DOCK3: variants seen among roughly 807,000 people sequenced by gnomAD.
DOCK3 encodes dedicator of cytokinesis protein 3.
A neutral mutation model predicts 265.6 loss-of-function variants in DOCK3; 60 were observed. The ratio of observed to expected loss-of-function variants is 0.23; its 90% CI spans 0.18 to 0.28. The LOEUF (loss-of-function observed/expected upper bound fraction) is 0.28. Ranked by LOEUF, DOCK3 falls within the 10% of genes least tolerant of loss-of-function variation. The probability of loss-of-function intolerance (pLI) is 1.00; values close to 1 mark genes in which losing one functional copy is unlikely to be tolerated. For missense variants in DOCK3, 1,981 were observed against 2,594.3 expected (o/e 0.76, Z 5.14); for synonymous variants, 881 against 938.0 (o/e 0.94, Z 1.11).
At chr3:51,191,335 G>T (rs1364103254) in intron 12 of DOCK3, among the ~76,000 whole-genome samples, 2 of 152,078 alleles carry the variant, frequency 1.3e-5, no homozygotes, top group Non-Finnish European at 2.9e-5. Context: ...TGAGACTACT[G>T]CCTGAGTTAG....
rs2082151531 is a variant in DOCK3 at position 51,079,361 on chromosome 3, CTG to C, written c.549+3923_549+3924del. Among the ~76,000 whole-genome samples, 3 of 152,142 alleles carry C rather than the reference CTG, an allele frequency of 2.0e-5. No homozygotes were observed. In the South Asian group the frequency reaches 6.2e-4, roughly 32 times the overall value. On this transcript the variant is annotated intron_variant, in intron 7 of 52. Transcript: ENST00000266037. ...TTGTTTGTTTGTTTTGAGACAGAGTCTGTCTTTGTTGCCATGGCTGGAGTGCA... is the reference window on the plus strand; with the variant it reads ...TTGTTTGTTTGTTTTGAGACAGAGTCTCTTTGTTGCCATGGCTGGAGTGCA...
chr3:50,923,389 G>T (rs1481011212), intron 4 of DOCK3, among the ~76,000 whole-genome samples: 2 of 152,150 alleles, frequency 1.3e-5, no homozygotes, highest in African/African-American at 2.4e-5. Flanking sequence ...TGTCATGCAA[G>T]AATTGAATAT....
Position 51,260,284 on chromosome 3 carries a change from C to T in DOCK3, c.2313C>T (p.Leu771=). The stretch of plus-strand genomic sequence containing the variant: ...TTTTCCAGTCCATCCGGTTTGTGCT[C>T]AGTCTGGACAGCCGAAACTCAGAAA... ...QELFQSIRFV[L]SLDSRNSETL... Residue 771 remains leucine, a synonymous_variant, in exon 23 of 53, where the codon CTC becomes CTT. Coordinates refer to ENST00000266037, the MANE Select transcript of DOCK3 (RefSeq NM_004947.5). 1 of 1,613,910 alleles carries T rather than the reference C, an allele frequency of 6.2e-7. No homozygotes were observed. Among genetic ancestry groups the T allele is most frequent in the Admixed American group, 1.7e-5 (1 of 60,004 alleles).
At chr3:51,307,909 A>G (rs1189456812) in intron 27 of DOCK3, among the ~76,000 whole-genome samples, 1 of 142,332 alleles carries the variant, frequency 7.0e-6, no homozygotes, top group Non-Finnish European at 1.5e-5. Flanking sequence ...TTTCTCTCCA[A>G]CAAATGCCTT....
chr3:50,742,010 T>G (rs1327316796), intron 1 of DOCK3, among the ~76,000 whole-genome samples: 2 of 152,208 alleles, frequency 1.3e-5, no homozygotes, highest in Admixed American at 1.3e-4. Context: ...TTGATTTGCA[T>G]TTCTCTGATG....
chr3:50,736,361 A>G (rs535023781), intron 1 of DOCK3, among the ~76,000 whole-genome samples: 6 of 152,176 alleles, frequency 3.9e-5, no homozygotes, highest in Non-Finnish European at 5.9e-5. Context: ...CAATAAACAT[A>G]TGTGTGCATG....
At chr3:50,888,547 C>T (rs1375075088) in intron 3 of DOCK3, among the ~76,000 whole-genome samples, 9 of 152,180 alleles carry the variant, frequency 5.9e-5, no homozygotes, top group South Asian at 2.1e-4. Flanking sequence ...GAGCCCGCAT[C>T]GCCAAGTCAA....
chr3:50,731,084 A>G (rs1442854787), intron 1 of DOCK3, among the ~76,000 whole-genome samples: 1 of 151,310 alleles, frequency 6.6e-6, no homozygotes, highest in Non-Finnish European at 1.5e-5. Context: ...GTGAGCCGAG[A>G]TCCCACCACT....
At chr3:51,351,651 C>CT (rs150338641) in intron 40 of DOCK3, among the ~76,000 whole-genome samples, 41 of 95,706 alleles carry the variant, frequency 4.3e-4, no homozygotes, top group Admixed American at 1.1e-3. Context: ...AGTAGAGAGA[C>CT]TTTTTTTTTT....
At chr3:50,744,548 C>T (rs754862920) in intron 1 of DOCK3, among the ~76,000 whole-genome samples, 1 of 152,002 alleles carries the variant, frequency 6.6e-6, no homozygotes, top group African/African-American at 2.4e-5. Flanking sequence ...TATCCTCCAC[C>T]TCAGTCTCCT....
At chr3:50,898,996 C>T (rs901552459) in intron 4 of DOCK3, among the ~76,000 whole-genome samples, 1 of 152,144 alleles carries the variant, frequency 6.6e-6, no homozygotes, top group Non-Finnish European at 1.5e-5. Flanking sequence ...GTTAGGTCCT[C>T]TTGGTCCAGA....
At chr3:51,022,447 A>C (rs1052037671) in intron 5 of DOCK3, among the ~76,000 whole-genome samples, 1 of 152,186 alleles carries the variant, frequency 6.6e-6, no homozygotes, top group Non-Finnish European at 1.5e-5. Context: ...TAAAAGAACT[A>C]TGTTTTTAAA....
At chr3:50,857,971 A>G (rs1051405187) in intron 3 of DOCK3, among the ~76,000 whole-genome samples, 1 of 152,228 alleles carries the variant, frequency 6.6e-6, no homozygotes, top group Non-Finnish European at 1.5e-5. Flanking sequence ...ATAAAGACAC[A>G]TGCACACGTA....
chr3:51,036,515 C>G (rs749817270), intron 5 of DOCK3, among the ~76,000 whole-genome samples: 8 of 152,130 alleles, frequency 5.3e-5, no homozygotes, highest in Non-Finnish European at 1.2e-4. Context: ...ATACCTGTTA[C>G]TCTCTCATGG....
chr3:51,320,850 CA>C (rs2083674104), intron 32 of DOCK3, among the ~76,000 whole-genome samples: 3 of 151,930 alleles, frequency 2.0e-5, no homozygotes, highest in Admixed American at 6.6e-5. Flanking sequence ...ATAAAACCCC[CA>C]TCTCCCTGGG....
At chr3:50,959,562 A>G (rs36085154) in intron 5 of DOCK3, among the ~76,000 whole-genome samples, 13,599 of 148,000 alleles carry the variant, frequency 0.092, 701 homozygotes, top group Non-Finnish European at 0.12. Flanking sequence ...GTGTGTGTAT[A>G]TATATATAAA....
intron 1 of DOCK3, among the ~76,000 whole-genome samples, chr3:50,766,186 A>AT (rs1194874411): frequency 6.6e-6 from 1 of 151,846 alleles, no homozygotes; most frequent in Non-Finnish European, 1.5e-5. Flanking sequence ...GGTTTGTTAC[A>AT]TATGTATACA....
intron 9 of DOCK3, among the ~76,000 whole-genome samples, chr3:51,091,207 G>T (rs1398815778): frequency 6.6e-6 from 1 of 152,122 alleles, no homozygotes; most frequent in Non-Finnish European, 1.5e-5. Context: ...TAAAACTGTT[G>T]CATGTAGGCA....
At chr3:50,967,163 A>G (rs2077057142) in intron 5 of DOCK3, among the ~76,000 whole-genome samples, 1 of 151,356 alleles carries the variant, frequency 6.6e-6, no homozygotes, top group African/African-American at 2.4e-5. Context: ...CCATTGACAA[A>G]CCTCTTCATT....
Sources: gnomAD v4.1 joint callset for allele counts (sites outside exome capture counted in the v4.1 genomes callset) on GRCh38, gnomAD v4.1.1 for gene constraint, MANE v1.5 for transcripts, NCBI Gene and HGNC (gene_info 2026-07-23, HGNC 2026-07-21) for gene names.